HEXB: variants seen among roughly 807,000 people sequenced by gnomAD.
HEXB encodes the protein beta-hexosaminidase subunit beta.
Under a neutral mutation model 71.2 loss-of-function variants are expected in HEXB, and 51 were observed. That is an observed-to-expected ratio of 0.72 (90% CI 0.57 to 0.90). The LOEUF (loss-of-function observed/expected upper bound fraction) is 0.90, where lower values mean the gene tolerates loss of function less well. Among genes scored for constraint, HEXB ranks in the 40% least tolerant of loss-of-function variants. The pLI is 0.00. For missense variants in HEXB, 617 were observed against 677.0 expected (o/e 0.91, Z 0.98); for synonymous variants, 266 against 249.3 (o/e 1.07, Z -0.63).
intron 1 of HEXB, among the ~76,000 whole-genome samples, chr5:74,662,574 G>A (rs999705649): frequency 2.6e-5 from 4 of 152,140 alleles, no homozygotes; most frequent in African/African-American, 9.7e-5. Flanking sequence ...TGGTCCAAAA[G>A]GAATAGATGT....
At chr5:74,696,629 T>C in intron 3 of HEXB, 64 bp from the exon 4 acceptor site, 1 of 873,864 alleles carries the variant, frequency 1.1e-6, no homozygotes, top group Non-Finnish European at 1.9e-6. Context: ...GTTTGAATAA[T>C]ATAACTTTTA....
At chr5:74,713,658 A>C in intron 7 of HEXB, 23 bp downstream of exon 7, 1 of 1,589,324 alleles carries the variant, frequency 6.3e-7, no homozygotes, top group Admixed American at 1.7e-5. Flanking sequence ...ATTTTATTTC[A>C]TTTTATCTTA....
chr5:74,715,510 G>A lies in HEXB; in HGVS notation c.902G>A (p.Gly301Asp), dbSNP rs1189912520. Residue 301 changes from glycine (G) to aspartate (D), a missense_variant and splice_region_variant, in exon 8 of 14, where the codon GGT (glycine) becomes GAT (aspartate). By Grantham distance (94) the Gly-to-Asp change is moderately conservative. Coordinates refer to ENST00000261416, the MANE Select transcript of HEXB (RefSeq NM_000521.4). The stretch of plus-strand genomic sequence containing the variant: ...AAAGAATCTTAATATTTTCTTCTAG[G>A]TCAGAAAGACCTCCTGACTCCATGT... ...TPGHTLSWGK[G>D]QKDLLTPCYS... 5 of 1,602,844 alleles carry A rather than the reference G, an allele frequency of 3.1e-6. No individual in the cohort carries two copies. The highest frequency in any genetic ancestry group is 4.3e-6 in the Non-Finnish European group (5 of 1,169,988).
intron 1 of HEXB, among the ~76,000 whole-genome samples, chr5:74,663,972 T>C (rs1388225050): frequency 6.6e-6 from 1 of 150,814 alleles, no homozygotes; most frequent in Non-Finnish European, 1.5e-5. Context: ...CAAAAAACTT[T>C]AGGCCAGGCG....
chr5:74,721,222 TTATTTTGAAATCATGTAAAATAAGA>T lies in HEXB; in HGVS notation c.*52_*76del, dbSNP rs1313155347. The T allele has an allele frequency of 2.1e-6, 3 of 1,396,420 alleles. No homozygotes were observed. The highest frequency in any genetic ancestry group is 3.1e-6 in the Non-Finnish European group (3 of 981,950). The allele number at this position is 1,396,420 out of a possible 1,614,324, so 86.5% of individuals were successfully genotyped here. ...ACAGCAATCTGTACTACAATCAACT[TTATTTTGAAATCATGTAAAATAAGA>T]TATTAGACTGTTTTTTGAATAAAAT... On this transcript the variant is annotated 3_prime_UTR_variant, in exon 14 of 14. Coordinates refer to ENST00000261416, the MANE Select transcript of HEXB (RefSeq NM_000521.4).
chr5:74,699,539 T>C lies in HEXB; in HGVS notation c.669+2433T>C, dbSNP rs138372033. On this transcript the variant is annotated intron_variant, in intron 5 of 13. Coordinates refer to ENST00000261416, the MANE Select transcript of HEXB (RefSeq NM_000521.4). ...ATTTGCCTGCCTTGGCCTCCCAAAA[T>C]GATGGGATTACAGATGTGAGCCACC... Among the ~76,000 whole-genome samples, 1,039 of 152,190 alleles carry C rather than the reference T, an allele frequency of 6.8e-3. 9 individuals carry two copies. Among genetic ancestry groups the C allele is most frequent in the Non-Finnish European group, 9.5e-3 (647 of 67,996 alleles).
At chr5:74,664,430 T>TTAAAAAAAAA (rs768901546) in intron 1 of HEXB, among the ~76,000 whole-genome samples, 3 of 79,630 alleles carry the variant, frequency 3.8e-5, no homozygotes, top group East Asian at 4.2e-4. Context: ...ATTCTATCTC[T>TTAAAAAAAAA]AAAAAAAAAA....
chr5:74,655,312 C>CTTTTTT (rs386404134), intron 1 of HEXB, among the ~76,000 whole-genome samples: 1 of 125,132 alleles, frequency 8.0e-6, no homozygotes, highest in African/African-American at 3.1e-5. Flanking sequence ...AAGCATTAAA[C>CTTTTTT]TTTTTTTTTT....
At chr5:74,685,700 C>G in intron 1 of HEXB, 141 bp downstream of exon 1, 1 of 717,350 alleles carries the variant, frequency 1.4e-6, no homozygotes, top group Non-Finnish European at 2.2e-6. Context: ...CCCAGCGCCA[C>G]ATGGACTGAA....
intron 1 of HEXB, among the ~76,000 whole-genome samples, chr5:74,647,020 T>C (rs1748014061): frequency 6.6e-6 from 1 of 152,214 alleles, no homozygotes; most frequent in African/African-American, 2.4e-5. Context: ...TATAGATGCC[T>C]ACTTTTTCCT....
At chr5:74,682,949 G>A (rs1748766526), upstream of HEXB, among the ~76,000 whole-genome samples, 1 of 152,164 alleles carries the variant, frequency 6.6e-6, no homozygotes, top group Admixed American at 6.5e-5. Flanking sequence ...TCAGAATGAA[G>A]GCTCAAAGAC....
At chr5:74,712,594 A>G (rs373113105) in intron 6 of HEXB, among the ~76,000 whole-genome samples, 4 of 152,270 alleles carry the variant, frequency 2.6e-5, no homozygotes, top group African/African-American at 9.6e-5. Context: ...TTTTTGATCT[A>G]CAGGTCTGCT....
chr5:74,707,171 C>G lies in HEXB; in HGVS notation c.771+1851C>G, dbSNP rs538239996. Among the ~76,000 whole-genome samples, 9 of 152,340 alleles carry G rather than the reference C, an allele frequency of 5.9e-5. No individual in the cohort carries two copies. In the East Asian group the frequency reaches 1.2e-3, roughly 20 times the overall value. ...TTCTGCAGACACCGCTGCTGATACC[C>G]AGGCAAACAGGGTCTGGAGTGGACC... On this transcript the variant is annotated intron_variant, in intron 6 of 13. Transcript: ENST00000261416.
intron 1 of HEXB, among the ~76,000 whole-genome samples, chr5:74,668,837 T>G (rs148601996): frequency 3.0e-4 from 46 of 152,242 alleles, no homozygotes; most frequent in Non-Finnish European, 5.7e-4. Context: ...CATATTCAAG[T>G]GCAGAAACTG....
intron 1 of HEXB, among the ~76,000 whole-genome samples, chr5:74,642,256 T>C (rs1428197416): frequency 6.6e-6 from 1 of 152,074 alleles, no homozygotes; most frequent in Non-Finnish European, 1.5e-5. Context: ...CCACGAACCT[T>C]TCAATATATA....
At chr5:74,684,680 T>C (rs371272873), upstream of HEXB, among the ~76,000 whole-genome samples, 560 of 146,614 alleles carry the variant, frequency 3.8e-3, 3 homozygotes, top group African/African-American at 0.01. Context: ...TTTTCTTTTT[T>C]TTTTTTTTTT....
At position 74,647,921 on chromosome 5, in the gene HEXB, T is replaced by A. The variant is rs1047603749; in HGVS notation, c.-377+7363T>A. Among the ~76,000 whole-genome samples, 3 of 152,374 alleles carry A rather than the reference T, an allele frequency of 2.0e-5. No homozygotes were observed. The East Asian group carries it at 5.8e-4, about 29-fold the overall frequency. The stretch of plus-strand genomic sequence containing the variant: ...AGGCTTCTCTCCCAGCCTTTCATTG[T>A]GATCTTACAGTGTCTAGGCTTGGCC... On this transcript the variant is annotated intron_variant, in intron 1 of 13. Coordinates refer to the HEXB transcript ENST00000511181.
intron 5 of HEXB, 108 bp from the exon 6 acceptor site, chr5:74,705,111 A>AT: frequency 3.1e-6 from 2 of 655,452 alleles, no homozygotes; most frequent in African/African-American, 1.9e-5. Context: ...AAAAAAAAAA[A>AT]AGTTTTAAAG....
intron 1 of HEXB, among the ~76,000 whole-genome samples, chr5:74,661,609 C>G (rs1329932332): frequency 3.4e-5 from 5 of 149,160 alleles, no homozygotes; most frequent in African/African-American, 1.2e-4. Flanking sequence ...GTTGCCTAGA[C>G]TGATCTCAAA....
Sources: allele counts gnomAD v4.1 joint callset (sites outside exome capture counted in the v4.1 genomes callset), GRCh38; gene constraint gnomAD v4.1.1; transcripts MANE v1.5; gene names NCBI Gene and HGNC (gene_info 2026-07-23, HGNC 2026-07-21).